RNF170: variants seen among roughly 807,000 people sequenced by gnomAD.
RNF170 encodes ring finger protein 170.
A neutral mutation model predicts 32.7 loss-of-function variants in RNF170; 12 were observed. The ratio of observed to expected loss-of-function variants is 0.37; its 90% CI spans 0.24 to 0.60. RNF170 has a LOEUF of 0.60. Among genes scored for constraint, RNF170 ranks in the 20% least tolerant of loss-of-function variants. The probability of loss-of-function intolerance (pLI) is 0.72; values close to 1 mark genes in which losing one functional copy is unlikely to be tolerated. For missense variants in RNF170, 212 were observed against 311.2 expected, an observed-to-expected ratio of 0.68 and a Z score of 2.40; for synonymous variants, 91 against 103.6, an observed-to-expected ratio of 0.88 and a Z score of 0.74.
intron 5 of RNF170, among the ~76,000 whole-genome samples, chr8:42,862,613 G>A (rs889519842): frequency 6.6e-6 from 1 of 152,142 alleles, no homozygotes; most frequent in Admixed American, 6.6e-5. Context: ...TTTAGTTGTT[G>A]TTTTGTCCTT....
At chr8:42,876,737 G>A (rs1804967851) in intron 2 of RNF170, among the ~76,000 whole-genome samples, 1 of 140,596 alleles carries the variant, frequency 7.1e-6, no homozygotes, top group African/African-American at 2.7e-5. Context: ...TCAGCTCAAT[G>A]CAACCTCTGC....
intron 1 of RNF170, among the ~76,000 whole-genome samples, chr8:42,890,008 T>C (rs1319181896): frequency 6.6e-6 from 1 of 152,202 alleles, no homozygotes; most frequent in Admixed American, 6.5e-5. Flanking sequence ...CTGTGAAGGT[T>C]AAAACAAATG....
intron 2 of RNF170, among the ~76,000 whole-genome samples, chr8:42,882,781 G>A (rs1043796887): frequency 6.6e-6 from 1 of 152,112 alleles, no homozygotes; most frequent in African/African-American, 2.4e-5. Context: ...ACATGATCAG[G>A]CCGGGCACAG....
chr8:42,895,680 T>C (rs537765268), intron 1 of RNF170, among the ~76,000 whole-genome samples: 2 of 152,228 alleles, frequency 1.3e-5, no homozygotes, highest in Non-Finnish European at 1.5e-5. Context: ...ACTGGAATAC[T>C]AGGCAACAAT....
At position 42,853,702 on chromosome 8, in the gene RNF170, T is replaced by C. The variant is rs774723452; in HGVS notation, c.*2457A>G. ...TATGATGTTCAAAACTCTGATTGAC[T>C]CTACTTGCTTTAAAAACTCTCAGAT... On this transcript the variant is annotated 3_prime_UTR_variant, in exon 7 of 7. Transcript: ENST00000527424. The C allele has an allele frequency of 2.3e-6, 3 of 1,287,192 alleles. No homozygotes were observed. In the South Asian group the frequency reaches 3.7e-5, roughly 16 times the overall value. The allele number at this position is 1,287,192 out of a possible 1,614,324, so 79.7% of individuals were successfully genotyped here. A position where few individuals can be genotyped will look rare whatever the true frequency, so the allele number is the denominator to read the frequency against.
intron 1 of RNF170, chr8:42,896,123 C>T (rs1043365281): frequency 2.8e-5 from 6 of 212,826 alleles, no homozygotes; most frequent in African/African-American, 1.4e-4. Context: ...AAACGCAGGC[C>T]CGGGGTCGGC....
At chr8:42,868,601 TCCC>T (rs1804290796) in intron 4 of RNF170, among the ~76,000 whole-genome samples, 1 of 152,154 alleles carries the variant, frequency 6.6e-6, no homozygotes, top group Non-Finnish European at 1.5e-5. Context: ...ACATCTGTGA[TCCC>T]AGCACTTTGG....
chr8:42,854,376 C>G lies in RNF170; in HGVS notation c.*1783G>C. 7.8e-7 allele frequency: 1 copy of G among 1,287,182 alleles called. No individual in the cohort carries two copies. Among genetic ancestry groups the G allele is most frequent in the Non-Finnish European group, 1.0e-6 (1 of 988,684 alleles). The allele number at this position is 1,287,182 out of a possible 1,614,324, so 79.7% of individuals were successfully genotyped here. A position where few individuals can be genotyped will look rare whatever the true frequency, so the allele number is the denominator to read the frequency against. On this transcript the variant is annotated 3_prime_UTR_variant, in exon 7 of 7. Transcript: ENST00000527424. ...CTTTGATCAGTTATTTGTTGTATGA[C>G]TTCATTCAAAAACACTTTCATCAAT...
chr8:42,896,997 G>A, upstream of RNF170: 1 of 540,942 alleles, frequency 1.8e-6, no homozygotes, highest in Non-Finnish European at 2.8e-6. Context: ...GCCAGCGCTG[G>A]GCGAGAGTCG....
At chr8:42,852,438 G>A (rs1396195170), downstream of RNF170, among the ~76,000 whole-genome samples, 3 of 151,538 alleles carry the variant, frequency 2.0e-5, no homozygotes, top group African/African-American at 7.3e-5. Flanking sequence ...TAATTTTTGA[G>A]ATGGAGTCTC....
At chr8:42,875,060 A>G (rs1302715068) in intron 2 of RNF170, among the ~76,000 whole-genome samples, 3 of 151,928 alleles carry the variant, frequency 2.0e-5, no homozygotes, top group Non-Finnish European at 4.4e-5. Context: ...AATCCCAGCT[A>G]CTCAGAAGGC....
intron 2 of RNF170, among the ~76,000 whole-genome samples, chr8:42,884,276 G>A (rs1416388233): frequency 6.6e-6 from 1 of 151,766 alleles, no homozygotes; most frequent in Non-Finnish European, 1.5e-5. Context: ...TAGAGATGGG[G>A]TTTCACAATG....
At chr8:42,887,429 C>T (rs1370898038) in intron 2 of RNF170, among the ~76,000 whole-genome samples, 1 of 152,116 alleles carries the variant, frequency 6.6e-6, no homozygotes, top group African/African-American at 2.4e-5. Flanking sequence ...ATATCACCTA[C>T]AAGTTGATGG....
chr8:42,885,580 A>G (rs1805749890), intron 2 of RNF170, among the ~76,000 whole-genome samples: 1 of 151,932 alleles, frequency 6.6e-6, no homozygotes, highest in Non-Finnish European at 1.5e-5. Flanking sequence ...TTTCATCTTT[A>G]TTGTTTTCAT....
chr8:42,869,843 A>G (rs1804392091), intron 4 of RNF170, among the ~76,000 whole-genome samples, 161 bp downstream of exon 4: 1 of 152,264 alleles, frequency 6.6e-6, no homozygotes, highest in Non-Finnish European at 1.5e-5. Context: ...TTTAGATGCT[A>G]AGTATACTTG....
chr8:42,854,852 TCAGATA>T lies in RNF170; in HGVS notation c.*1301_*1306del. On this transcript the variant is annotated 3_prime_UTR_variant, in exon 7 of 7. Coordinates refer to ENST00000527424, the MANE Select transcript of RNF170 (RefSeq NM_030954.4). ...CAGTACCATGTGGTACTGAGTCTTCTCAGATACATTCACTTGTTTGGCTCAAGACAT... is the reference window on the plus strand; with the variant it reads ...CAGTACCATGTGGTACTGAGTCTTCTCATTCACTTGTTTGGCTCAAGACAT... 7.8e-7 allele frequency: 1 copy of T among 1,287,282 alleles called. No individual in the cohort carries two copies. Among genetic ancestry groups the T allele is most frequent in the South Asian group, 1.2e-5 (1 of 80,942 alleles). The allele number at this position is 1,287,282 out of a possible 1,614,324, so 79.7% of individuals were successfully genotyped here.
chr8:42,880,609 A>C (rs1163275811), intron 2 of RNF170, among the ~76,000 whole-genome samples: 1 of 152,140 alleles, frequency 6.6e-6, no homozygotes. Flanking sequence ...ATCTCTATTA[A>C]AAATACAAAA....
downstream of RNF170, chr8:42,853,250 G>T: frequency 1.1e-6 from 1 of 909,054 alleles, no homozygotes; most frequent in Non-Finnish European, 1.4e-6. Context: ...TCTTTCAGGA[G>T]TTCTGAAAGC....
chr8:42,886,500 ACT>A lies in RNF170; in HGVS notation c.137+1226_137+1227del, dbSNP rs1563272968. Among the ~76,000 whole-genome samples the A allele has an allele frequency of 9.1e-3, 1,392 of 152,316 alleles. 16 individuals carry two copies. The highest frequency in any genetic ancestry group is 0.031 in the African/African-American group (1,298 of 41,582). On this transcript the variant is annotated intron_variant, in intron 2 of 6. Coordinates refer to ENST00000527424, the MANE Select transcript of RNF170 (RefSeq NM_030954.4). ...CCCTAATAAGAGACTATCTTGGATC[ACT>A]GCAACCTCTGCCTCCCAAGTTCAAG...
Sources: allele counts gnomAD v4.1 joint callset (sites outside exome capture counted in the v4.1 genomes callset), GRCh38; gene constraint gnomAD v4.1.1; transcripts MANE v1.5; gene names NCBI Gene and HGNC (gene_info 2026-07-23, HGNC 2026-07-21).